Variants in NXPE4 observed in about 807,000 individuals in gnomAD.
NXPE4 encodes the protein neurexophilin and PC-esterase domain family member 4, also known as NXPE family member 4.
In NXPE4, 42 loss-of-function variants were observed where a neutral mutation model predicts 33.3. The observed-to-expected ratio is 1.26, with a 90% CI of 0.98 to 1.63. The LOEUF is 1.63. Among genes scored for constraint, NXPE4 ranks in the 40% most tolerant of loss-of-function variants. The pLI is 0.00. For missense variants in NXPE4, 709 were observed against 647.6 expected, an observed-to-expected ratio of 1.09 and a Z score of -1.03; for synonymous variants, 253 against 234.9, an observed-to-expected ratio of 1.08 and a Z score of -0.71.
At chr11:114,642,705 A>T in the NXPE4 span, among the ~76,000 whole-genome samples, 1 of 152,064 alleles carries the variant, frequency 6.6e-6, no homozygotes, top group Non-Finnish European at 1.5e-5. Context: ...GCTATTGTGA[A>T]TAGTACTGCA....
the NXPE4 span, among the ~76,000 whole-genome samples, chr11:114,670,376 C>G: frequency 6.6e-6 from 1 of 151,962 alleles, no homozygotes; most frequent in Non-Finnish European, 1.5e-5. Flanking sequence ...AAATAGACTA[C>G]TAAAATAGCC....
At chr11:114,614,661 T>G in the NXPE4 span, among the ~76,000 whole-genome samples, 1 of 150,166 alleles carries the variant, frequency 6.7e-6, no homozygotes, top group Non-Finnish European at 1.5e-5. Context: ...GTATCCACTG[T>G]TACCCACTGG....
At chr11:114,586,790 G>A (rs919131784) in intron 2 of NXPE4, among the ~76,000 whole-genome samples, 2 of 151,988 alleles carry the variant, frequency 1.3e-5, no homozygotes, top group African/African-American at 2.4e-5. Flanking sequence ...TTTCCTATCC[G>A]CAACTTCCAT....
At chr11:114,622,728 G>T in the NXPE4 span, among the ~76,000 whole-genome samples, 1 of 151,392 alleles carries the variant, frequency 6.6e-6, no homozygotes, top group Non-Finnish European at 1.5e-5. Context: ...GTGTTCCCTC[G>T]TGTGTAACCA....
At chr11:114,577,009 TTA>T (rs56902026) in intron 5 of NXPE4, among the ~76,000 whole-genome samples, 18,804 of 116,078 alleles carry the variant, frequency 0.16, 1,739 homozygotes, top group Admixed American at 0.19. Context: ...ATATATAAAG[TTA>T]TATATATATA....
chr11:114,581,629 G>A (rs1000802476), intron 4 of NXPE4, 96 bp downstream of exon 4: 2 of 974,622 alleles, frequency 2.1e-6, no homozygotes, highest in Non-Finnish European at 3.2e-6. Flanking sequence ...ACAGAGTGCT[G>A]ATAGGACTGA....
upstream of NXPE4, among the ~76,000 whole-genome samples, chr11:114,596,692 A>G (rs1283177411): frequency 2.6e-5 from 4 of 152,194 alleles, no homozygotes; most frequent in Non-Finnish European, 5.9e-5. Context: ...TGAGGAGCCT[A>G]TAATAAGAAA....
the NXPE4 span, among the ~76,000 whole-genome samples, chr11:114,664,573 A>G: frequency 2.6e-5 from 4 of 152,200 alleles, no homozygotes; most frequent in Non-Finnish European, 4.4e-5. Flanking sequence ...CACACAGAAG[A>G]AAAGGAGCTC....
At chr11:114,676,324 C>T in the NXPE4 span, among the ~76,000 whole-genome samples, 13 of 151,438 alleles carry the variant, frequency 8.6e-5, no homozygotes, top group East Asian at 2.1e-3. Flanking sequence ...AGACAACCTA[C>T]GAAATGGGAA....
At chr11:114,640,835 A>G in the NXPE4 span, among the ~76,000 whole-genome samples, 2 of 151,976 alleles carry the variant, frequency 1.3e-5, no homozygotes, top group Non-Finnish European at 2.9e-5. Flanking sequence ...TTTGAGGTCC[A>G]TGTAGATTCT....
At chr11:114,621,031 G>A in the NXPE4 span, among the ~76,000 whole-genome samples, 16 of 151,524 alleles carry the variant, frequency 1.1e-4, no homozygotes, top group Non-Finnish European at 2.1e-4. Flanking sequence ...CCACTGTTAC[G>A]CAGTGCACAA....
At chr11:114,601,732 T>C in the NXPE4 span, among the ~76,000 whole-genome samples, 1 of 71,968 alleles carries the variant, frequency 1.4e-5, no homozygotes, top group Non-Finnish European at 2.3e-5. Context: ...AATTATATAT[T>C]ATATATAATT....
chr11:114,638,282 A>C, the NXPE4 span, among the ~76,000 whole-genome samples: 4 of 151,818 alleles, frequency 2.6e-5, no homozygotes, highest in Non-Finnish European at 5.9e-5. Flanking sequence ...TGCATTCTTC[A>C]TGTAGTTCTC....
chr11:114,672,918 T>C, the NXPE4 span, among the ~76,000 whole-genome samples: 1 of 151,224 alleles, frequency 6.6e-6, no homozygotes, highest in Non-Finnish European at 1.5e-5. Flanking sequence ...AGAATAACAG[T>C]AAGAAAAAAC....
the NXPE4 span, among the ~76,000 whole-genome samples, chr11:114,644,127 G>T: frequency 6.6e-6 from 1 of 152,136 alleles, no homozygotes; most frequent in Admixed American, 6.6e-5. Context: ...CTTTGCTGAA[G>T]TTGCTTATCA....
chr11:114,635,279 G>A, the NXPE4 span, among the ~76,000 whole-genome samples: 4 of 150,096 alleles, frequency 2.7e-5, no homozygotes, highest in African/African-American at 9.9e-5. Context: ...TGTTGTTGGT[G>A]TATAAGAATG....
chr11:114,627,210 A>C, the NXPE4 span, among the ~76,000 whole-genome samples: 1 of 152,172 alleles, frequency 6.6e-6, no homozygotes, highest in South Asian at 2.1e-4. Flanking sequence ...CCCAAGACAC[A>C]TAATTGTCAG....
chr11:114,598,798 G>C (rs1238848567), upstream of NXPE4, among the ~76,000 whole-genome samples: 1 of 151,882 alleles, frequency 6.6e-6, no homozygotes, highest in South Asian at 2.1e-4. Context: ...TCTGTGATGG[G>C]AGAGGCTTCC....
intron 3 of NXPE4, 32 bp from the exon 4 acceptor site, chr11:114,581,818 A>T: frequency 2.0e-6 from 3 of 1,490,182 alleles, no homozygotes; most frequent in Non-Finnish European, 1.9e-6. Context: ...ATTAATCTGT[A>T]GGTGGCCTCA....
Sources: gnomAD v4.1 joint callset for allele counts (sites outside exome capture counted in the v4.1 genomes callset) on GRCh38, gnomAD v4.1.1 for gene constraint, MANE v1.5 for transcripts, NCBI Gene and HGNC (gene_info 2026-07-23, HGNC 2026-07-21) for gene names.